Variants in SUGP2 observed in about 807,000 individuals in gnomAD.
The protein encoded by SUGP2 is SURP and G-patch domain-containing protein 2.
SUGP2 carries 24 observed loss-of-function variants against 90.5 expected under a neutral mutation model. That is an observed-to-expected ratio of 0.27 (90% confidence interval 0.19 to 0.37). The LOEUF (loss-of-function observed/expected upper bound fraction) is 0.37. Among genes scored for constraint, SUGP2 ranks in the 10% least tolerant of loss-of-function variants. The pLI is 1.00. For synonymous variants in SUGP2, 473 were observed against 513.4 expected (o/e 0.92, Z 1.06); for missense variants, 1,233 against 1,363.3 (o/e 0.90, Z 1.51).
At chr19:19,001,097 G>A in intron 8 of SUGP2, among the ~76,000 whole-genome samples, 1 of 150,868 alleles carries the variant, frequency 6.6e-6, no homozygotes, top group Non-Finnish European at 1.5e-5. Flanking sequence ...CTCACTGCAA[G>A]CTCTGCCTCC....
At chr19:19,005,844 AACACACACACACACACAC>A (rs67270368) in intron 6 of SUGP2, among the ~76,000 whole-genome samples, 3 of 46,400 alleles carry the variant, frequency 6.5e-5, no homozygotes, top group African/African-American at 1.7e-4. Context: ...CAGGCTAACA[AACACACACACACACACAC>A]ACACACACAC....
chr19:19,029,650 T>C (rs1033752127), intron 2 of SUGP2, among the ~76,000 whole-genome samples: 12 of 140,886 alleles, frequency 8.5e-5, no homozygotes, highest in Non-Finnish European at 1.9e-4. Context: ...GTTTCACCAT[T>C]CACAGGATGG....
In SUGP2 at chr19:19,004,162, A is replaced by G. The variant is rs1365384925; in HGVS notation, c.2929+6T>C. On this transcript the variant is annotated splice_donor_region_variant and intron_variant, in intron 7 of 10. Transcript: ENST00000452918. The stretch of plus-strand genomic sequence containing the variant: ...GAGGCAACTGTGCCGACAGGCGGGC[A>G]CTCACCTTTTGGCTCCTGGATGAGA... 1.9e-6 allele frequency: 3 copies of G among 1,542,296 alleles called. No homozygotes were observed. The highest frequency in any genetic ancestry group is 2.6e-6 in the Non-Finnish European group (3 of 1,142,332).
At chr19:19,004,074 G>T in intron 7 of SUGP2, 94 bp downstream of exon 7, 4 of 1,003,818 alleles carry the variant, frequency 4.0e-6, no homozygotes, top group Non-Finnish European at 5.9e-6. Flanking sequence ...AAACTCTTTT[G>T]GATTAAAATG....
intron 4 of SUGP2, among the ~76,000 whole-genome samples, chr19:19,017,272 T>A (rs938273212): frequency 6.6e-6 from 1 of 152,006 alleles, no homozygotes; most frequent in African/African-American, 2.4e-5. Flanking sequence ...CTATGGAGAG[T>A]AATCTAATGA....
In SUGP2 at chr19:19,019,345, AAATCCTC is replaced by A. The variant is rs2058621481; in HGVS notation, c.1730-123_1730-117del. 5 of 1,176,052 alleles carry A rather than the reference AAATCCTC, an allele frequency of 4.3e-6. No homozygotes were observed. The East Asian group carries it at 1.3e-4, about 31-fold the overall frequency. The allele number at this position is 1,176,052 out of a possible 1,614,324, so 72.9% of individuals were successfully genotyped here. On this transcript the variant is annotated intron_variant, in intron 3 of 10. Transcript: ENST00000452918. ...GAACCCAAGCAGGCATCAACAACCGAAATCCTCATTCACAAGACACCAGCATTGAAAA... is the reference window on the plus strand; with the variant it reads ...GAACCCAAGCAGGCATCAACAACCGAATTCACAAGACACCAGCATTGAAAA...
chr19:19,025,632 C>A lies in SUGP2; in HGVS notation c.716G>T (p.Gly239Val), dbSNP rs746791242. Residue 239 changes from glycine to valine, a missense_variant, in exon 3 of 11, where the codon GGG becomes GTG. Physicochemically the swap from Gly to Val is moderately radical, Grantham distance 109 (BLOSUM62 -3). Transcript: ENST00000452918. ...CAATGTGACAAGTTTCCCAACACCCCCCTTAGCTGTGAGCAGGCCCTGAGT... is the reference window on the plus strand; with the variant it reads ...CAATGTGACAAGTTTCCCAACACCCACCTTAGCTGTGAGCAGGCCCTGAGT... ...GETQGLLTAK[G>V]GVGKLVTLRN... 4 of 1,614,040 alleles carry A rather than the reference C, an allele frequency of 2.5e-6. No homozygotes were observed. The Admixed American group carries it at 5.0e-5, about 20-fold the overall frequency.
At chr19:19,018,903 A>G (rs113045797) in intron 4 of SUGP2, among the ~76,000 whole-genome samples, 1 of 152,124 alleles carries the variant, frequency 6.6e-6, no homozygotes, top group African/African-American at 2.4e-5. Context: ...AGAGAAGGCC[A>G]CCCACCCAGC....
chr19:19,018,072 C>T (rs956026116), intron 4 of SUGP2, among the ~76,000 whole-genome samples: 9 of 151,568 alleles, frequency 5.9e-5, no homozygotes, highest in Admixed American at 2.6e-4. Context: ...GGTGAAACCC[C>T]ATCTCTACTA....
Position 18,991,781 on chromosome 19 carries a change from A to T in SUGP2, c.*1960T>A, listed in dbSNP as rs12016. On this transcript the variant is annotated 3_prime_UTR_variant, in exon 11 of 11. Coordinates refer to ENST00000452918, the MANE Select transcript of SUGP2 (RefSeq NM_001017392.5). ...CAGGAAAGGAGAAGGAGAAAGGAGA[A>T]GATGAACCCCCCGCACCTGTGACTC... 104,577 of 152,070 alleles carry T rather than the reference A, an allele frequency of 0.69. 36,452 individuals are homozygous for T. The highest frequency in any genetic ancestry group is 0.89 in the East Asian group (4,561 of 5,144). 9.4% of individuals were successfully genotyped at this position (152,070 alleles called of 1,614,324 possible). A position where few individuals can be genotyped will look rare whatever the true frequency, so the allele number is the denominator to read the frequency against.
chr19:19,032,598 G>A lies in SUGP2; in HGVS notation c.-12+839C>T, dbSNP rs58514603. On this transcript the variant is annotated intron_variant, in intron 1 of 10. Transcript: ENST00000452918. Reference sequence around the variant, plus strand: ...CAATGAACTAGTGACAGTTCATTCTGCGCTGGGTCCTTGCGCGATCTCCCA... The same window carrying A: ...CAATGAACTAGTGACAGTTCATTCTACGCTGGGTCCTTGCGCGATCTCCCA... 6.3e-3 allele frequency among the ~76,000 whole-genome samples: 961 copies of A among 152,190 alleles called. 56 individuals are homozygous for A. In the East Asian group the frequency reaches 0.15, roughly 24 times the overall value.
In SUGP2 at chr19:18,994,603, C is replaced by T. The variant is rs2057498769; in HGVS notation, c.3129-117G>A. 1.4e-5 allele frequency: 19 copies of T among 1,378,124 alleles called. No individual in the cohort carries two copies. The South Asian group carries it at 2.6e-4, about 19-fold the overall frequency. The allele number at this position is 1,378,124 out of a possible 1,614,324, so 85.4% of individuals were successfully genotyped here. On this transcript the variant is annotated intron_variant, in intron 9 of 10. Coordinates refer to ENST00000452918, the MANE Select transcript of SUGP2 (RefSeq NM_001017392.5). ...CAGGTGTTTGGGACACACACTGAGACATCAAAGAAAGGGAAAATCAAGACG... is the reference window on the plus strand; with the variant it reads ...CAGGTGTTTGGGACACACACTGAGATATCAAAGAAAGGGAAAATCAAGACG...
At position 18,995,129 on chromosome 19, in the gene SUGP2, C is replaced by T; in HGVS notation, c.3128+15G>A. On this transcript the variant is annotated intron_variant, in intron 9 of 10. Coordinates refer to ENST00000452918, the MANE Select transcript of SUGP2 (RefSeq NM_001017392.5). ...AGGCCCCACCCACTCCCACCCCAGG[C>T]TGCCTGCTGCGTACACGCTGACCGG... 6.2e-7 allele frequency: 1 copy of T among 1,607,628 alleles called. No individual in the cohort carries two copies. The highest frequency in any genetic ancestry group is 8.5e-7 in the Non-Finnish European group (1 of 1,176,894).
rs1001493308 is a variant in SUGP2, at chr19:18,991,700, T to G, written c.*2041A>C. 1 of 152,238 alleles carries G rather than the reference T, an allele frequency of 6.6e-6. No individual in the cohort carries two copies. Among genetic ancestry groups the G allele is most frequent in the African/African-American group, 2.4e-5 (1 of 41,434 alleles). 9.4% of individuals were successfully genotyped at this position (152,238 alleles called of 1,614,324 possible). A position where few individuals can be genotyped will look rare whatever the true frequency, so the allele number is the denominator to read the frequency against. On this transcript the variant is annotated 3_prime_UTR_variant, in exon 11 of 11. Transcript: ENST00000452918. ...CTCGGGTCAATGGGCTGAGCCCCGCTTGGAGCTCCATCCATTCACCTGACC... is the reference window on the plus strand; with the variant it reads ...CTCGGGTCAATGGGCTGAGCCCCGCGTGGAGCTCCATCCATTCACCTGACC...
In SUGP2 at chr19:18,994,300, A is replaced by G; in HGVS notation, c.*66T>C. ...CAGGGAACATCAACTTTGTTGGGGG[A>G]AATTTCTCTGCATACCAGCACGCCA... On this transcript the variant is annotated intron_variant, in intron 10 of 10. Coordinates refer to ENST00000452918, the MANE Select transcript of SUGP2 (RefSeq NM_001017392.5). 2 of 1,558,616 alleles carry G rather than the reference A, an allele frequency of 1.3e-6. 1 individual carries two copies. The highest frequency in any genetic ancestry group is 1.7e-6 in the Non-Finnish European group (2 of 1,147,216).
Position 19,008,356 on chromosome 19 carries a change from T to C in SUGP2, c.2411A>G (p.Gln804Arg), listed in dbSNP as rs1179444028. ...FVAQVGPEIE[Q>R]FSIENSTDNP... ...ATCGGTGCTGTTTTCTATGCTGAAT[T>C]GTTCGATCTCTGGTCCCACCTGAGC... The change falls in exon 6 of 11, where the codon CAA becomes CGA. Residue 804 changes from glutamine to arginine, a missense_variant. Physicochemically the swap from Gln to Arg is conservative, Grantham distance 43 (BLOSUM62 1). Transcript: ENST00000452918. The C allele has an allele frequency of 6.2e-7, 1 of 1,614,180 alleles. No individual in the cohort carries two copies. The highest frequency in any genetic ancestry group is 1.1e-5 in the South Asian group (1 of 91,088).
At chr19:19,029,922 G>T (rs988323368) in intron 2 of SUGP2, among the ~76,000 whole-genome samples, 1 of 150,262 alleles carries the variant, frequency 6.7e-6, no homozygotes, top group Non-Finnish European at 1.5e-5. Flanking sequence ...CAGCCTGGGC[G>T]ACAGTACAAG....
intron 8 of SUGP2, among the ~76,000 whole-genome samples, chr19:19,000,000 C>A (rs1046474609): frequency 6.6e-6 from 1 of 152,224 alleles, no homozygotes; most frequent in Non-Finnish European, 1.5e-5. Context: ...CTCCTCATGC[C>A]CTGGTCCAAC....
intron 4 of SUGP2, among the ~76,000 whole-genome samples, chr19:19,010,751 C>T (rs796186879): frequency 1.4e-4 from 21 of 152,306 alleles, no homozygotes; most frequent in African/African-American, 4.8e-4. Flanking sequence ...CACAAGAGAA[C>T]ATTAACCAAG....
Sources: allele counts gnomAD v4.1 joint callset (sites outside exome capture counted in the v4.1 genomes callset), GRCh38; gene constraint gnomAD v4.1.1; transcripts MANE v1.5; gene names NCBI Gene and HGNC (gene_info 2026-07-23, HGNC 2026-07-21).